ZFP14: variants seen among roughly 807,000 people sequenced by gnomAD.
The protein encoded by ZFP14 is zinc finger protein 14 homolog.
ZFP14 carries 22 observed loss-of-function variants against 54.5 expected under a neutral mutation model. That is an observed-to-expected ratio of 0.40 (90% confidence interval 0.29 to 0.58). ZFP14 has a LOEUF of 0.58. Ranked by LOEUF, ZFP14 falls within the 20% of genes least tolerant of loss-of-function variation. ZFP14 has a pLI of 0.39. For synonymous variants in ZFP14, 159 were observed against 204.0 expected (o/e 0.78, Z 1.88); for missense variants, 470 against 637.8 (o/e 0.74, Z 2.83).
rs1390453888 is a variant in ZFP14, at chr19:36,352,676, T to A, written c.235+7759A>T. On this transcript the variant is annotated intron_variant, in intron 4 of 4. Coordinates refer to ENST00000270001, the MANE Select transcript of ZFP14 (RefSeq NM_020917.3). ...AGCCATGTGGGCTGGGCGCGGTGGCTCACACCTGTAATCCCAACACTTTGG... is the reference window on the plus strand; with the variant it reads ...AGCCATGTGGGCTGGGCGCGGTGGCACACACCTGTAATCCCAACACTTTGG... Among the ~76,000 whole-genome samples, 2 of 142,356 alleles carry A rather than the reference T, an allele frequency of 1.4e-5. 1 individual carries two copies. The highest frequency in any genetic ancestry group is 5.2e-5 in the African/African-American group (2 of 38,714). The allele number at this position is 142,356 out of a possible 152,430, so 93.4% of individuals were successfully genotyped here.
At chr19:36,357,199 C>T (rs1279977265) in intron 4 of ZFP14, among the ~76,000 whole-genome samples, 2 of 152,138 alleles carry the variant, frequency 1.3e-5, no homozygotes, top group South Asian at 2.1e-4. Context: ...CATGCCAAGA[C>T]GCCCAGCTAA....
intron 4 of ZFP14, among the ~76,000 whole-genome samples, chr19:36,353,903 C>T (rs2031570336): frequency 2.2e-5 from 3 of 136,632 alleles, no homozygotes; most frequent in Non-Finnish European, 3.2e-5. Flanking sequence ...GCAAAACTCC[C>T]GTCTCTACAA....
chr19:36,371,328 A>G (rs1023460891), intron 1 of ZFP14, among the ~76,000 whole-genome samples: 1 of 152,204 alleles, frequency 6.6e-6, no homozygotes, highest in Admixed American at 6.5e-5. Flanking sequence ...AAATACAGAG[A>G]ACTTTAAAAA....
rs1024649501 is a variant in ZFP14 at position 36,338,822 on chromosome 19, G to A, written c.*1402C>T. ...ATACTGACTTATAGAATGATGTTTT[G>A]TTTCTTTCCCACAGGAGTTTTATAC... On this transcript the variant is annotated 3_prime_UTR_variant, in exon 5 of 5. Coordinates refer to ENST00000270001, the MANE Select transcript of ZFP14 (RefSeq NM_020917.3). 4 of 152,078 alleles carry A rather than the reference G, an allele frequency of 2.6e-5. No homozygotes were observed. The highest frequency in any genetic ancestry group is 5.9e-5 in the Non-Finnish European group (4 of 68,018). 9.4% of individuals were successfully genotyped at this position (152,078 alleles called of 1,614,324 possible).
At chr19:36,362,081 A>T (rs1287030163) in intron 3 of ZFP14, 31 bp downstream of exon 3, 2 of 1,566,184 alleles carry the variant, frequency 1.3e-6, no homozygotes, top group Non-Finnish European at 1.7e-6. Context: ...CAGCAGAGAA[A>T]GCTAATATCA....
intron 2 of ZFP14, among the ~76,000 whole-genome samples, chr19:36,364,286 A>G (rs768897781): frequency 2.6e-5 from 4 of 152,210 alleles, no homozygotes; most frequent in Admixed American, 6.5e-5. Flanking sequence ...GACATCATAC[A>G]TCACGCAGGG....
At position 36,341,961 on chromosome 19, in the gene ZFP14, C is replaced by G. The variant is rs2031324937; in HGVS notation, c.236-371G>C. Reference sequence around the variant, plus strand: ...CCGCCTCCCGGGTTCACGCCATTCTCCTGCCTCAGCCTCCCAAGTAGCTGG... The same window carrying G: ...CCGCCTCCCGGGTTCACGCCATTCTGCTGCCTCAGCCTCCCAAGTAGCTGG... On this transcript the variant is annotated intron_variant, in intron 4 of 4. Coordinates refer to ENST00000270001, the MANE Select transcript of ZFP14 (RefSeq NM_020917.3). The surrounding 1 kb of genome is among the most constrained non-coding windows in gnomAD (Gnocchi z 4.2). 1.3e-5 allele frequency among the ~76,000 whole-genome samples: 2 copies of G among 151,966 alleles called. No homozygotes were observed. The highest frequency in any genetic ancestry group is 1.3e-4 in the Admixed American group (2 of 15,242).
chr19:36,359,707 T>G (rs947434691), intron 4 of ZFP14, among the ~76,000 whole-genome samples: 1 of 152,082 alleles, frequency 6.6e-6, no homozygotes, highest in South Asian at 2.1e-4. Context: ...CAGGCTGGAG[T>G]GCAGTGGCGT....
chr19:36,374,858 C>A (rs2031935963), intron 1 of ZFP14, among the ~76,000 whole-genome samples: 1 of 152,154 alleles, frequency 6.6e-6, no homozygotes, highest in Non-Finnish European at 1.5e-5. Context: ...TCAAATAAGA[C>A]TTTCCCGGCT....
intron 1 of ZFP14, among the ~76,000 whole-genome samples, chr19:36,369,612 T>C (rs2031850012): frequency 2.0e-5 from 3 of 152,040 alleles, no homozygotes; most frequent in Non-Finnish European, 4.4e-5. Flanking sequence ...GGTTTCACCA[T>C]GTTGCCCAGG....
chr19:36,355,281 G>A (rs35840887), intron 4 of ZFP14, among the ~76,000 whole-genome samples: 9,140 of 143,098 alleles, frequency 0.064, 1,534 homozygotes, highest in Non-Finnish European at 0.081. Context: ...TGAATGTTGA[G>A]CCCTAACTAA....
At chr19:36,361,720 C>G (rs1005663024) in intron 3 of ZFP14, among the ~76,000 whole-genome samples, 4 of 152,204 alleles carry the variant, frequency 2.6e-5, no homozygotes, top group African/African-American at 9.6e-5. Context: ...AATAACCTTT[C>G]TGGATCCATC....
At chr19:36,373,753 A>G (rs1461277232) in intron 1 of ZFP14, among the ~76,000 whole-genome samples, 1 of 151,750 alleles carries the variant, frequency 6.6e-6, no homozygotes, top group East Asian at 1.9e-4. Context: ...TCTACAAAAA[A>G]ATTTTAAAAA....
rs542400408 is a variant in ZFP14, at chr19:36,352,896, G to C, written c.235+7539C>G. Among the ~76,000 whole-genome samples the C allele has an allele frequency of 1.5e-3, 210 of 137,510 alleles. 21 individuals carry two copies. The highest frequency in any genetic ancestry group is 5.5e-3 in the African/African-American group (205 of 37,116). 90.2% of individuals were successfully genotyped at this position (137,510 alleles called of 152,430 possible). Reference sequence around the variant, plus strand: ...GCGGAGCTTGCAGTGAGCCGAGATCGCGCCACTGCACTCCAGCCCGGGCGA... The same window carrying C: ...GCGGAGCTTGCAGTGAGCCGAGATCCCGCCACTGCACTCCAGCCCGGGCGA... On this transcript the variant is annotated intron_variant, in intron 4 of 4. Coordinates refer to ENST00000270001, the MANE Select transcript of ZFP14 (RefSeq NM_020917.3).
At chr19:36,366,244 G>A (rs1234753018) in intron 2 of ZFP14, among the ~76,000 whole-genome samples, 2 of 152,036 alleles carry the variant, frequency 1.3e-5, no homozygotes, top group Admixed American at 1.3e-4. Context: ...CTCCAGCCTG[G>A]GCGACAGAGC....
intron 2 of ZFP14, among the ~76,000 whole-genome samples, chr19:36,363,351 G>A (rs1172551993): frequency 6.6e-5 from 10 of 151,522 alleles, no homozygotes; most frequent in Admixed American, 6.6e-4. Flanking sequence ...CCGCCACCAC[G>A]CCCGGCTAAT....
intron 1 of ZFP14, among the ~76,000 whole-genome samples, chr19:36,373,578 A>G (rs909150345): frequency 2.6e-5 from 4 of 152,198 alleles, no homozygotes; most frequent in African/African-American, 9.6e-5. Flanking sequence ...AAGGTAATTC[A>G]TATGTTAATT....
intron 4 of ZFP14, among the ~76,000 whole-genome samples, chr19:36,359,144 AAAC>A (rs1361725773): frequency 1.3e-5 from 2 of 152,202 alleles, no homozygotes; most frequent in Non-Finnish European, 2.9e-5. Context: ...ATTCTGTTAT[AAAC>A]AACAGAAAGT....
At position 36,351,133 on chromosome 19, in the gene ZFP14, T is replaced by C. The variant is rs1160342490; in HGVS notation, c.235+9302A>G. 1.4e-5 allele frequency among the ~76,000 whole-genome samples: 2 copies of C among 143,008 alleles called. 1 individual carries two copies. Among genetic ancestry groups the C allele is most frequent in the Non-Finnish European group, 3.1e-5 (2 of 64,418 alleles). 93.8% of individuals were successfully genotyped at this position (143,008 alleles called of 152,430 possible). A position where few individuals can be genotyped will look rare whatever the true frequency, so the allele number is the denominator to read the frequency against. On this transcript the variant is annotated intron_variant, in intron 4 of 4. Transcript: ENST00000270001. ...TGTAAAAGGTAAATGTGTGGGCAAA[T>C]GTAAAAAAAATTCACTACTTATTAC... is the stretch of plus-strand genomic sequence containing the variant.
Sources: gnomAD v4.1 joint callset for allele counts (sites outside exome capture counted in the v4.1 genomes callset) on GRCh38, gnomAD v4.1.1 for gene constraint, Gnocchi (gnomAD v3.1) non-coding constraint, MANE v1.5 for transcripts, NCBI Gene and HGNC (gene_info 2026-07-23, HGNC 2026-07-21) for gene names.